The following UNC5C variants were observed in gnomAD, a reference collection of about 807,000 sequenced individuals.
UNC5C encodes unc-5 netrin receptor C, also known as netrin receptor UNC5C.
In UNC5C, 47 loss-of-function variants were observed where a neutral mutation model predicts 99.8. The observed-to-expected ratio is 0.47, with a 90% CI of 0.37 to 0.60. The LOEUF (loss-of-function observed/expected upper bound fraction) is 0.60. UNC5C is among the 20% of genes least tolerant of loss of function. UNC5C has a pLI of 0.00. For missense variants in UNC5C, 1,062 were observed against 1,165.9 expected (o/e 0.91, Z 1.30); for synonymous variants, 487 against 452.2 (o/e 1.08, Z -0.98).
At chr4:95,233,477 A>G (rs999184028) in intron 7 of UNC5C, among the ~76,000 whole-genome samples, 4 of 152,144 alleles carry the variant, frequency 2.6e-5, no homozygotes, top group African/African-American at 4.8e-5. Context: ...TAATAATCCA[A>G]TCTACTGTAT....
chr4:95,341,507 GAGAAAGAA>G (rs10660525), intron 1 of UNC5C, among the ~76,000 whole-genome samples: 104 of 144,916 alleles, frequency 7.2e-4, no homozygotes, highest in Non-Finnish European at 1.1e-3. Flanking sequence ...AAGAAAGAGA[GAGAAAGAA>G]AGAAAGAAAG....
At chr4:95,418,736 G>C (rs1377223499) in intron 1 of UNC5C, among the ~76,000 whole-genome samples, 1 of 152,122 alleles carries the variant, frequency 6.6e-6, no homozygotes, top group East Asian at 1.9e-4. Flanking sequence ...AACATGTGAA[G>C]CTTTCAGTGG....
At chr4:95,220,788 C>A (rs928358380) in intron 7 of UNC5C, among the ~76,000 whole-genome samples, 1 of 152,146 alleles carries the variant, frequency 6.6e-6, no homozygotes, top group Non-Finnish European at 1.5e-5. Context: ...ATCTGGGGGA[C>A]AGAGGTTAAT....
At chr4:95,281,410 C>G (rs1448071332) in intron 3 of UNC5C, among the ~76,000 whole-genome samples, 1 of 152,072 alleles carries the variant, frequency 6.6e-6, no homozygotes, top group African/African-American at 2.4e-5. Flanking sequence ...TATGGAAAGG[C>G]AAACCCTCAA....
At chr4:95,177,874 CTTT>C (rs34351357) in intron 14 of UNC5C, among the ~76,000 whole-genome samples, 1 of 146,766 alleles carries the variant, frequency 6.8e-6, no homozygotes, top group African/African-American at 2.5e-5. Context: ...GCTAATTTGC[CTTT>C]TTTTTTTTTA....
intron 1 of UNC5C, among the ~76,000 whole-genome samples, chr4:95,476,788 T>C (rs1441856285): frequency 6.6e-6 from 1 of 152,098 alleles, no homozygotes; most frequent in Non-Finnish European, 1.5e-5. Flanking sequence ...CTTAACTCTA[T>C]TAGGTGTATA....
chr4:95,404,450 C>A (rs997360033), intron 1 of UNC5C, among the ~76,000 whole-genome samples: 1 of 152,026 alleles, frequency 6.6e-6, no homozygotes, highest in Non-Finnish European at 1.5e-5. Flanking sequence ...TGAAGAGAAC[C>A]AAAGTGGAGC....
chr4:95,488,433 T>C lies in UNC5C; in HGVS notation c.124+60301A>G, dbSNP rs182666546. Among the ~76,000 whole-genome samples, 14 of 151,926 alleles carry C rather than the reference T, an allele frequency of 9.2e-5. No individual in the cohort carries two copies. In the East Asian group the frequency reaches 2.7e-3, roughly 30 times the overall value. On this transcript the variant is annotated intron_variant, in intron 1 of 15. Coordinates refer to ENST00000453304, the MANE Select transcript of UNC5C (RefSeq NM_003728.4). The stretch of plus-strand genomic sequence containing the variant: ...GCTCTCCGTAGCTTTTTAAAGCAGA[T>C]TTTCAACTAAAATTTCCTTAAGATA...
intron 1 of UNC5C, among the ~76,000 whole-genome samples, chr4:95,436,056 AT>A (rs1287354663): frequency 1.3e-5 from 2 of 151,990 alleles, no homozygotes; most frequent in African/African-American, 4.8e-5. Context: ...TTTCTCCACA[AT>A]TTAAAAGTGT....
chr4:95,486,681 T>G (rs1231468645), intron 1 of UNC5C, among the ~76,000 whole-genome samples: 1 of 151,678 alleles, frequency 6.6e-6, no homozygotes, highest in Non-Finnish European at 1.5e-5. Context: ...GAAAATGTTT[T>G]AAATGTATTT....
intron 15 of UNC5C, 50 bp from the exon 16 acceptor site, chr4:95,169,449 A>G (rs367760597): frequency 2.0e-5 from 32 of 1,588,950 alleles, no homozygotes; most frequent in East Asian, 1.3e-4. Flanking sequence ...TTACATATCT[A>G]TTTTTCCTCA....
At chr4:95,187,191 ATGTT>A (rs895058250) in intron 12 of UNC5C, among the ~76,000 whole-genome samples, 1 of 152,076 alleles carries the variant, frequency 6.6e-6, no homozygotes, top group Admixed American at 6.5e-5. Flanking sequence ...AGCTAAAATG[ATGTT>A]TGTTTATAAG....
intron 1 of UNC5C, among the ~76,000 whole-genome samples, chr4:95,535,436 T>C (rs1363150352): frequency 6.6e-6 from 1 of 152,190 alleles, no homozygotes; most frequent in Non-Finnish European, 1.5e-5. Context: ...TAGACTTACA[T>C]GATAAGAATA....
chr4:95,279,636 C>T (rs1740983353), intron 3 of UNC5C, among the ~76,000 whole-genome samples: 2 of 152,028 alleles, frequency 1.3e-5, no homozygotes, highest in Admixed American at 1.3e-4. Flanking sequence ...AGTTCAGTTC[C>T]TTCCATTAAA....
At position 95,247,397 on chromosome 4, in the gene UNC5C, C is replaced by T. The variant is rs539863611; in HGVS notation, c.776-2253G>A. 3.3e-5 allele frequency among the ~76,000 whole-genome samples: 5 copies of T among 152,188 alleles called. No homozygotes were observed. In the South Asian group the frequency reaches 1.0e-3, roughly 32 times the overall value. The stretch of plus-strand genomic sequence containing the variant: ...GTTCCAAAAAGCAACTTAACCTGCT[C>T]AAGTTTACAAAATTCCCTGCCATGG... On this transcript the variant is annotated intron_variant, in intron 5 of 15. Coordinates refer to ENST00000453304, the MANE Select transcript of UNC5C (RefSeq NM_003728.4).
intron 1 of UNC5C, among the ~76,000 whole-genome samples, chr4:95,415,508 G>GA (rs1200661040): frequency 2.0e-5 from 3 of 152,138 alleles, no homozygotes; most frequent in Non-Finnish European, 4.4e-5. Flanking sequence ...GCAAGTAGAT[G>GA]AAAATCATTT....
At chr4:95,222,280 A>G (rs749058294) in intron 7 of UNC5C, 170 of 1,430,488 alleles carry the variant, frequency 1.2e-4, no homozygotes, top group Non-Finnish European at 1.5e-4. Flanking sequence ...GAAAAGAAAA[A>G]AAAATGAAAC....
chr4:95,184,003 A>G (rs1345048935), intron 13 of UNC5C, among the ~76,000 whole-genome samples: 1 of 152,230 alleles, frequency 6.6e-6, no homozygotes, highest in Non-Finnish European at 1.5e-5. Flanking sequence ...TATCATTAAA[A>G]TAGTATTTTC....
intron 1 of UNC5C, among the ~76,000 whole-genome samples, chr4:95,481,804 A>T (rs1721165528): frequency 6.6e-6 from 1 of 152,140 alleles, no homozygotes; most frequent in African/African-American, 2.4e-5. Context: ...CTGGCTAGCC[A>T]TATGTAGAAA....
Sources: allele counts gnomAD v4.1 joint callset (sites outside exome capture counted in the v4.1 genomes callset), GRCh38; gene constraint gnomAD v4.1.1; transcripts MANE v1.5; gene names NCBI Gene and HGNC (gene_info 2026-07-23, HGNC 2026-07-21).